The following KCNH5 variants were observed in gnomAD, a reference collection of about 807,000 sequenced individuals.
The protein encoded by KCNH5 is voltage-gated delayed rectifier potassium channel KCNH5.
A neutral mutation model predicts 96.1 loss-of-function variants in KCNH5; 46 were observed. The observed-to-expected ratio is 0.48, with a 90% CI of 0.38 to 0.61. The LOEUF is 0.61. Among genes scored for constraint, KCNH5 ranks in the 20% least tolerant of loss-of-function variants. The pLI, the probability that KCNH5 is intolerant of heterozygous loss-of-function variation, is 0.00. For missense variants in KCNH5, 907 were observed against 1,225.8 expected (o/e 0.74, Z 3.88); for synonymous variants, 439 against 449.8 (o/e 0.98, Z 0.30).
chr14:62,942,602 T>C (rs1889809614), intron 7 of KCNH5, among the ~76,000 whole-genome samples: 1 of 152,186 alleles, frequency 6.6e-6, no homozygotes. Context: ...ACCGCCTACA[T>C]GAAGATTCAG....
At chr14:62,867,234 G>A (rs1393483134) in intron 7 of KCNH5, among the ~76,000 whole-genome samples, 1 of 152,130 alleles carries the variant, frequency 6.6e-6, no homozygotes, top group African/African-American at 2.4e-5. Flanking sequence ...TACGTGATAA[G>A]TAAAAATAGC....
chr14:62,792,187 G>C (rs543840445), intron 9 of KCNH5, among the ~76,000 whole-genome samples: 1 of 151,508 alleles, frequency 6.6e-6, no homozygotes, highest in Admixed American at 6.6e-5. Flanking sequence ...ATTTAGAAAT[G>C]ATGTCTGCCA....
intron 7 of KCNH5, among the ~76,000 whole-genome samples, chr14:62,877,932 C>G (rs1378193296): frequency 2.0e-5 from 3 of 150,544 alleles, no homozygotes; most frequent in Admixed American, 6.6e-5. Context: ...ATAGCAAAGA[C>G]TTGGAACCAA....
intron 4 of KCNH5, among the ~76,000 whole-genome samples, chr14:62,991,814 A>G (rs1221251638): frequency 6.6e-6 from 1 of 152,090 alleles, no homozygotes; most frequent in African/African-American, 2.4e-5. Context: ...AGCAGAAGCC[A>G]TAAGAAACAT....
chr14:62,930,110 T>C (rs1204767686), intron 7 of KCNH5, among the ~76,000 whole-genome samples: 1 of 152,168 alleles, frequency 6.6e-6, no homozygotes, highest in African/African-American at 2.4e-5. Flanking sequence ...ACATGTGTCT[T>C]TTTGTTATAA....
intron 10 of KCNH5, among the ~76,000 whole-genome samples, chr14:62,752,002 C>T (rs1885510265): frequency 6.6e-6 from 1 of 152,150 alleles, no homozygotes; most frequent in Non-Finnish European, 1.5e-5. Flanking sequence ...CATCTTTGCC[C>T]TGAGAAACTT....
chr14:62,744,935 G>T (rs990838445), intron 10 of KCNH5, among the ~76,000 whole-genome samples: 1 of 152,144 alleles, frequency 6.6e-6, no homozygotes, highest in Non-Finnish European at 1.5e-5. Context: ...CAATCTGAAG[G>T]ACTGTCTGGC....
At chr14:62,817,209 TTA>T in intron 8 of KCNH5, among the ~76,000 whole-genome samples, 1 of 137,806 alleles carries the variant, frequency 7.3e-6, no homozygotes, top group African/African-American at 2.7e-5. Flanking sequence ...ATATCATATA[TTA>T]TATATTATAT....
At position 62,849,868 on chromosome 14, in the gene KCNH5, T is replaced by A. The variant is rs749626072; in HGVS notation, c.1370-16A>T. On this transcript the variant is annotated splice_polypyrimidine_tract_variant and intron_variant, in intron 7 of 10. Transcript: ENST00000322893. ...TAAAGAAGAGCTGAAAGAGAAGAAATGATAAAAATAAAACAAATATCTCAT... is the reference window on the plus strand; with the variant it reads ...TAAAGAAGAGCTGAAAGAGAAGAAAAGATAAAAATAAAACAAATATCTCAT... 6.3e-7 allele frequency: 1 copy of A among 1,585,930 alleles called. No individual in the cohort carries two copies. The highest frequency in any genetic ancestry group is 1.7e-5 in the Admixed American group (1 of 59,612).
At chr14:63,021,352 A>T (rs1166293595) in intron 1 of KCNH5, among the ~76,000 whole-genome samples, 2 of 152,072 alleles carry the variant, frequency 1.3e-5, no homozygotes, top group African/African-American at 4.8e-5. Flanking sequence ...TACCTATACA[A>T]ACATGTTTCC....
intron 1 of KCNH5, among the ~76,000 whole-genome samples, chr14:63,037,251 G>A (rs978902805): frequency 1.7e-4 from 26 of 152,144 alleles, no homozygotes; most frequent in African/African-American, 5.8e-4. Flanking sequence ...CACCGAGCTA[G>A]TAAGTGTCAG....
intron 8 of KCNH5, among the ~76,000 whole-genome samples, chr14:62,823,258 A>G (rs61997476): frequency 0.15 from 23,223 of 152,034 alleles, 2,203 homozygotes; most frequent in Admixed American, 0.21. Context: ...TTGACCATTG[A>G]TCTTATCCTA....
At chr14:62,896,242 A>G (rs1888809932) in intron 7 of KCNH5, among the ~76,000 whole-genome samples, 1 of 152,204 alleles carries the variant, frequency 6.6e-6, no homozygotes, top group Non-Finnish European at 1.5e-5. Flanking sequence ...ACCTACAGCT[A>G]AGCCTATGAA....
chr14:63,014,190 A>G (rs1891281558), intron 2 of KCNH5, among the ~76,000 whole-genome samples: 1 of 152,178 alleles, frequency 6.6e-6, no homozygotes, highest in Admixed American at 6.6e-5. Context: ...ACACTTTTTT[A>G]TACAGTTAAA....
chr14:62,746,420 A>T (rs554979144), intron 10 of KCNH5, among the ~76,000 whole-genome samples: 2 of 152,374 alleles, frequency 1.3e-5, no homozygotes, highest in East Asian at 3.9e-4. Flanking sequence ...AAAAAGAATT[A>T]TAATAAAACA....
intron 7 of KCNH5, among the ~76,000 whole-genome samples, chr14:62,862,741 G>A (rs951491074): frequency 3.3e-5 from 5 of 152,154 alleles, no homozygotes; most frequent in African/African-American, 1.2e-4. Context: ...CAAGAATAGC[G>A]AAGTCTAGTT....
Position 62,969,572 on chromosome 14 carries a change from A to T in KCNH5, c.942+11300T>A, listed in dbSNP as rs186763338. 4.4e-3 allele frequency among the ~76,000 whole-genome samples: 662 copies of T among 151,924 alleles called. 5 individuals carry two copies. The highest frequency in any genetic ancestry group is 7.2e-3 in the Non-Finnish European group (489 of 67,962). On this transcript the variant is annotated intron_variant, in intron 6 of 10. Coordinates refer to ENST00000322893, the MANE Select transcript of KCNH5 (RefSeq NM_139318.5). ...GGACACAGGGAGGGGAATAACACACACTGGGGCCTGATGGGGGGCTGCCAG... is the reference window on the plus strand; with the variant it reads ...GGACACAGGGAGGGGAATAACACACTCTGGGGCCTGATGGGGGGCTGCCAG...
intron 7 of KCNH5, among the ~76,000 whole-genome samples, chr14:62,892,616 A>G (rs1888733295): frequency 6.6e-6 from 1 of 152,182 alleles, no homozygotes; most frequent in South Asian, 2.1e-4. Flanking sequence ...TCATAGCTAC[A>G]GAGAAGTCAT....
intron 8 of KCNH5, among the ~76,000 whole-genome samples, chr14:62,843,855 T>C (rs946958615): frequency 2.0e-5 from 3 of 152,160 alleles, no homozygotes; most frequent in Admixed American, 6.5e-5. Context: ...TGATGACATG[T>C]ATGAAAATAT....
Sources: gnomAD v4.1 joint callset for allele counts (sites outside exome capture counted in the v4.1 genomes callset) on GRCh38, gnomAD v4.1.1 for gene constraint, MANE v1.5 for transcripts, NCBI Gene and HGNC (gene_info 2026-07-23, HGNC 2026-07-21) for gene names.